ATP2B4: variants seen among roughly 807,000 people sequenced by gnomAD.
The protein encoded by ATP2B4 is plasma membrane calcium-transporting ATPase 4.
A neutral mutation model predicts 110.3 loss-of-function variants in ATP2B4; 39 were observed. That is an observed-to-expected ratio of 0.35 (90% confidence interval 0.27 to 0.46). The LOEUF (loss-of-function observed/expected upper bound fraction) is 0.46. ATP2B4 is among the 20% of genes least tolerant of loss of function. The pLI is 1.00. For synonymous variants in ATP2B4, 538 were observed against 571.7 expected, an observed-to-expected ratio of 0.94 and a Z score of 0.84; for missense variants, 1,135 against 1,530.9, an observed-to-expected ratio of 0.74 and a Z score of 4.32.
chr1:203,726,169 G>C (rs968553225), intron 19 of ATP2B4, among the ~76,000 whole-genome samples: 5 of 151,866 alleles, frequency 3.3e-5, no homozygotes, highest in African/African-American at 1.2e-4. Flanking sequence ...CCGGGAGGCG[G>C]AGTGCAATGA....
rs546480802 is a variant in ATP2B4 at position 203,659,477 on chromosome 1, G to A, written c.-464-23265G>A. ...TGAGCCCAGGAGTTTGAGACCAGCC[G>A]AGACCACACAGCAAAACGTTGTCTC... On this transcript the variant is annotated intron_variant, in intron 1 of 20. Transcript: ENST00000357681. Among the ~76,000 whole-genome samples, 24 of 149,696 alleles carry A rather than the reference G, an allele frequency of 1.6e-4. No individual in the cohort carries two copies. In the East Asian group the frequency reaches 4.4e-3, roughly 27 times the overall value.
At chr1:203,639,702 G>A (rs1326093345) in intron 1 of ATP2B4, among the ~76,000 whole-genome samples, 1 of 152,222 alleles carries the variant, frequency 6.6e-6, no homozygotes, top group African/African-American at 2.4e-5. Flanking sequence ...GAAGCTGGGT[G>A]TGGGTCCAGC....
intron 7 of ATP2B4, 136 bp from the exon 8 acceptor site, chr1:203,703,516 G>A: frequency 1.1e-6 from 1 of 931,988 alleles, no homozygotes; most frequent in Non-Finnish European, 1.6e-6. Context: ...GCATGGGTTG[G>A]AAGTGGTCGG....
intron 1 of ATP2B4, among the ~76,000 whole-genome samples, chr1:203,651,945 T>A (rs760516434): frequency 3.4e-5 from 5 of 146,634 alleles, no homozygotes; most frequent in Non-Finnish European, 6.0e-5. Context: ...CCTGTAGTCC[T>A]AGCTACTCAG....
Position 203,657,139 on chromosome 1 carries a change from G to A in ATP2B4, c.-464-25603G>A, listed in dbSNP as rs1349346605. On this transcript the variant is annotated intron_variant, in intron 1 of 20. Transcript: ENST00000357681. ...ACCCACAGTTGTATACGGTGGGGAT[G>A]AGGGATTCTTCTTTACACCAAGTAT... The A allele has an allele frequency of 3.6e-6, 3 of 830,702 alleles. No homozygotes were observed. The African/African-American group carries it at 5.0e-5, about 14-fold the overall frequency. The allele number at this position is 830,702 out of a possible 1,614,324, so 51.5% of individuals were successfully genotyped here. A position where few individuals can be genotyped will look rare whatever the true frequency, so the allele number is the denominator to read the frequency against.
At chr1:203,724,072 G>T (rs149093200) in intron 19 of ATP2B4, 84 bp downstream of exon 19, 2 of 1,170,038 alleles carry the variant, frequency 1.7e-6, no homozygotes, top group African/African-American at 1.6e-5. Flanking sequence ...AGCAACGGTG[G>T]AGACCCCCCA....
chr1:203,666,569 T>C (rs1664510088), intron 1 of ATP2B4, among the ~76,000 whole-genome samples: 1 of 152,168 alleles, frequency 6.6e-6, no homozygotes. Flanking sequence ...GGTGGACATT[T>C]AACATAGTAG....
intron 8 of ATP2B4, 122 bp from the exon 9 acceptor site, chr1:203,706,887 T>C: frequency 3.9e-6 from 3 of 775,806 alleles, no homozygotes; most frequent in Non-Finnish European, 6.3e-6. Flanking sequence ...TTAGTAAGTC[T>C]TCCTGGCGAT....
chr1:203,727,690 A>T (rs558932152), intron 20 of ATP2B4, 119 bp downstream of exon 20: 3 of 1,255,786 alleles, frequency 2.4e-6, no homozygotes, highest in Non-Finnish European at 3.3e-6. Context: ...CTCACTACTG[A>T]TGGGCAGCCC....
At chr1:203,641,989 T>C (rs1213102601) in intron 1 of ATP2B4, among the ~76,000 whole-genome samples, 1 of 152,196 alleles carries the variant, frequency 6.6e-6, no homozygotes, top group Non-Finnish European at 1.5e-5. Context: ...GAGGGAAAAA[T>C]GACTCAGACA....
intron 1 of ATP2B4, among the ~76,000 whole-genome samples, chr1:203,649,137 T>C (rs1663900204): frequency 6.6e-6 from 1 of 152,140 alleles, no homozygotes; most frequent in Non-Finnish European, 1.5e-5. Context: ...TCCCCTGAGG[T>C]TGGGGAGACC....
rs61003306 is a variant in ATP2B4 at position 203,630,347 on chromosome 1, TTCTCTCTC to T, written c.-465+3144_-465+3151del. Among the ~76,000 whole-genome samples the T allele has an allele frequency of 6.1e-3, 624 of 101,868 alleles. 2 individuals carry two copies. The highest frequency in any genetic ancestry group is 8.5e-3 in the Non-Finnish European group (411 of 48,598). 66.8% of individuals were successfully genotyped at this position (101,868 alleles called of 152,430 possible). ...TCTCTCAAAAACTCCGAAACCCCTT[TTCTCTCTC>T]TCTCTCTCTCTCTCTTTTTTTTTTT... On this transcript the variant is annotated intron_variant, in intron 1 of 20. Coordinates refer to ENST00000357681, the MANE Select transcript of ATP2B4 (RefSeq NM_001684.5).
chr1:203,723,825 G>A (rs1558052623), intron 18 of ATP2B4, 56 bp from the exon 19 acceptor site: 1 of 1,435,080 alleles, frequency 7.0e-7, no homozygotes, highest in Non-Finnish European at 9.5e-7. Flanking sequence ...TGGCTGGAGG[G>A]CCAGCTGCCT....
At chr1:203,704,485 T>C (rs1571742846) in intron 8 of ATP2B4, among the ~76,000 whole-genome samples, 2 of 136,332 alleles carry the variant, frequency 1.5e-5, no homozygotes, top group East Asian at 4.3e-4. Flanking sequence ...TTTTTTTTTT[T>C]TTTTTTTTTT....
chr1:203,658,211 G>A (rs1215467627), intron 1 of ATP2B4, among the ~76,000 whole-genome samples: 1 of 152,006 alleles, frequency 6.6e-6, no homozygotes, highest in Non-Finnish European at 1.5e-5. Flanking sequence ...TGTACTAAAA[G>A]GAAAGTCTAA....
In ATP2B4 at chr1:203,651,535, A is replaced by G. The variant is rs190049910; in HGVS notation, c.-465+24316A>G. On this transcript the variant is annotated intron_variant, in intron 1 of 20. Coordinates refer to ENST00000357681, the MANE Select transcript of ATP2B4 (RefSeq NM_001684.5). ...CTTGGGCTGTAATGTTGTATTCACC[A>G]TTCTCTTGATAACCATATGTATGCC... Among the ~76,000 whole-genome samples the G allele has an allele frequency of 5.1e-3, 771 of 152,250 alleles. 5 individuals carry two copies. The highest frequency in any genetic ancestry group is 0.017 in the African/African-American group (688 of 41,538).
intron 4 of ATP2B4, 107 bp from the exon 5 acceptor site, chr1:203,700,099 G>T: frequency 7.6e-7 from 1 of 1,320,828 alleles, no homozygotes; most frequent in Non-Finnish European, 1.0e-6. Flanking sequence ...TCTAGATAGG[G>T]CCCATGGGAA....
At chr1:203,662,715 G>A (rs900828073) in intron 1 of ATP2B4, among the ~76,000 whole-genome samples, 9 of 152,124 alleles carry the variant, frequency 5.9e-5, no homozygotes, top group Admixed American at 5.9e-4. Context: ...TGCCCATGGA[G>A]GCCCTCCTTT....
chr1:203,683,011 ACG>A lies in ATP2B4; in HGVS notation c.-194_-193del. 1 of 534,184 alleles carries A rather than the reference ACG, an allele frequency of 1.9e-6. No individual in the cohort carries two copies. 33.1% of individuals were successfully genotyped at this position (534,184 alleles called of 1,614,324 possible). ...TCCTCCTCTCGCTGCCAGACTTCATACGGAAGAAAGGATCTAGACTTCGGACG... is the reference window on the plus strand; with the variant it reads ...TCCTCCTCTCGCTGCCAGACTTCATAGAAGAAAGGATCTAGACTTCGGACG... On this transcript the variant is annotated 5_prime_UTR_variant, in exon 2 of 21. Transcript: ENST00000357681.
Sources: allele counts gnomAD v4.1 joint callset (sites outside exome capture counted in the v4.1 genomes callset), GRCh38; gene constraint gnomAD v4.1.1; transcripts MANE v1.5; gene names NCBI Gene and HGNC (gene_info 2026-07-23, HGNC 2026-07-21).